DHRS9: variants seen among roughly 807,000 people sequenced by gnomAD.
The protein encoded by DHRS9 is dehydrogenase/reductase SDR family member 9.
In DHRS9, 18 loss-of-function variants were observed where a neutral mutation model predicts 26.6. The observed-to-expected ratio is 0.68, with a 90% CI of 0.47 to 1.00. The LOEUF (loss-of-function observed/expected upper bound fraction) is 1.00. DHRS9 is among the 50% of genes least tolerant of loss of function. The pLI is 0.00. For synonymous variants in DHRS9, 134 were observed against 141.1 expected (o/e 0.95, Z 0.36); for missense variants, 425 against 378.7 (o/e 1.12, Z -1.01).
At position 169,083,469 on chromosome 2, in the gene DHRS9, G is replaced by A. The variant is rs1404517204; in HGVS notation, c.454G>A (p.Val152Ile). The stretch of plus-strand genomic sequence containing the variant: ...TGTGACACTAAATATGCTTCCTTTG[G>A]TCAAGAAAGCTCAAGGGAGAGTTAT... ...ISVTLNMLPL[V>I]KKAQGRVINV... Residue 152 changes from valine (V) to isoleucine (I), a missense_variant, in exon 3 of 5, where the codon GTC becomes ATC. Transcript: ENST00000674881. 1.2e-6 allele frequency: 2 copies of A among 1,614,062 alleles called. No homozygotes were observed. Among genetic ancestry groups the A allele is most frequent in the South Asian group, 2.2e-5 (2 of 91,074 alleles).
In DHRS9 at chr2:169,083,538, G is replaced by T; in HGVS notation, c.523G>T (p.Gly175Cys). Residue 175 changes from glycine (G) to cysteine (C), a missense_variant, in exon 3 of 5, where the codon GGC becomes TGC. By Grantham distance (159) the Gly-to-Cys change is radical (BLOSUM62 -3). Transcript: ENST00000674881. ...VGGRLAIVGG[G>C]YTPSKYAVEG... Reference sequence around the variant, plus strand: ...AGGTCGCCTTGCAATCGTTGGAGGGGGCTATACTCCATCCAAATATGCAGT... The same window carrying T: ...AGGTCGCCTTGCAATCGTTGGAGGGTGCTATACTCCATCCAAATATGCAGT... 1.2e-6 allele frequency: 2 copies of T among 1,613,810 alleles called. No homozygotes were observed. Among genetic ancestry groups the T allele is most frequent in the Non-Finnish European group, 1.7e-6 (2 of 1,179,908 alleles).
chr2:169,090,002 C>T (rs535137765), intron 3 of DHRS9, among the ~76,000 whole-genome samples: 2 of 152,308 alleles, frequency 1.3e-5, no homozygotes, highest in South Asian at 4.1e-4. Flanking sequence ...TAGAGATTTA[C>T]TCACTTTTAA....
At chr2:169,079,746 A>G (rs946993369) in intron 1 of DHRS9, among the ~76,000 whole-genome samples, 3 of 151,466 alleles carry the variant, frequency 2.0e-5, no homozygotes, top group Admixed American at 6.6e-5. Context: ...TTGTAATCCC[A>G]GCTACTCAGG....
intron 3 of DHRS9, among the ~76,000 whole-genome samples, chr2:169,087,827 G>C (rs1684400357): frequency 1.3e-5 from 2 of 152,104 alleles, no homozygotes; most frequent in African/African-American, 4.8e-5. Flanking sequence ...ACTCTACCTG[G>C]TGCCCTATCC....
chr2:169,090,299 C>T (rs1404011898), intron 3 of DHRS9, among the ~76,000 whole-genome samples: 2 of 152,110 alleles, frequency 1.3e-5, no homozygotes, highest in Non-Finnish European at 2.9e-5. Flanking sequence ...AGTTGGAGGG[C>T]GTAAGGCCAC....
chr2:169,077,383 T>G (rs954993882), intron 1 of DHRS9, among the ~76,000 whole-genome samples: 3 of 152,198 alleles, frequency 2.0e-5, no homozygotes, highest in African/African-American at 7.2e-5. Context: ...ATCCAAATAT[T>G]TATAAGTTTA....
At chr2:169,090,366 C>T (rs769908627) in intron 3 of DHRS9, among the ~76,000 whole-genome samples, 4 of 152,196 alleles carry the variant, frequency 2.6e-5, no homozygotes, top group Non-Finnish European at 5.9e-5. Context: ...TCCTAAATAG[C>T]CTCTTGGCAC....
intron 1 of DHRS9, among the ~76,000 whole-genome samples, chr2:169,079,974 AGAGAG>A (rs1684117254): frequency 2.6e-5 from 3 of 117,016 alleles, no homozygotes; most frequent in Non-Finnish European, 3.6e-5. Context: ...AGAGAGAGAG[AGAGAG>A]AGAGAGAAAG....
At chr2:169,090,212 G>A (rs1055892533) in intron 3 of DHRS9, among the ~76,000 whole-genome samples, 2 of 152,200 alleles carry the variant, frequency 1.3e-5, no homozygotes, top group Non-Finnish European at 2.9e-5. Flanking sequence ...ATTTGAGAGA[G>A]GGTTGGGGCT....
Position 169,095,889 on chromosome 2 carries a change from G to A in DHRS9, c.*122G>A. 1 of 905,648 alleles carries A rather than the reference G, an allele frequency of 1.1e-6. No homozygotes were observed. The highest frequency in any genetic ancestry group is 1.7e-6 in the Non-Finnish European group (1 of 589,864). 56.1% of individuals were successfully genotyped at this position (905,648 alleles called of 1,614,324 possible). On this transcript the variant is annotated 3_prime_UTR_variant, in exon 5 of 5. Transcript: ENST00000674881. ...GACTCATTTAGATCGTGCTTATTTG[G>A]ATTGCAAAAGGGAGTCCCACCATCG...
chr2:169,078,422 C>T (rs946113944), intron 1 of DHRS9, among the ~76,000 whole-genome samples: 2 of 152,172 alleles, frequency 1.3e-5, no homozygotes, highest in African/African-American at 4.8e-5. Flanking sequence ...GCTGCAGAAT[C>T]CATTCAGAAA....
chr2:169,094,545 GT>G (rs577110862), intron 4 of DHRS9, among the ~76,000 whole-genome samples: 2,328 of 137,264 alleles, frequency 0.017, 44 homozygotes, highest in African/African-American at 0.05. Flanking sequence ...TCTTCTAGTA[GT>G]TTTTTTTTTT....
intron 1 of DHRS9, chr2:169,070,658 A>G (rs1010048993): frequency 6.1e-6 from 6 of 984,006 alleles, no homozygotes; most frequent in East Asian, 1.1e-4. Flanking sequence ...ACAAATTTCA[A>G]TGTTTAAGTA....
intron 1 of DHRS9, chr2:169,070,644 TA>T (rs1468116192): frequency 4.1e-6 from 4 of 984,324 alleles, no homozygotes; most frequent in Non-Finnish European, 4.8e-6. Flanking sequence ...GCTCAGATTT[TA>T]GAACAAATTT....
intron 1 of DHRS9, among the ~76,000 whole-genome samples, chr2:169,075,533 A>G (rs1683938116): frequency 6.6e-6 from 1 of 152,154 alleles, no homozygotes; most frequent in African/African-American, 2.4e-5. Context: ...TTAATGCAAT[A>G]CTATTTATCA....
chr2:169,069,553 C>A (rs1161809709), upstream of DHRS9: 5 of 985,396 alleles, frequency 5.1e-6, no homozygotes, highest in African/African-American at 7.0e-5. Context: ...GGATTCCTCA[C>A]ACATGTAGTA....
At chr2:169,095,206 G>C (rs1366129728) in intron 4 of DHRS9, among the ~76,000 whole-genome samples, 1 of 152,056 alleles carries the variant, frequency 6.6e-6, no homozygotes, top group Non-Finnish European at 1.5e-5. Context: ...CCCTGGACCA[G>C]CAGCATCAGC....
chr2:169,089,737 T>C (rs1249035278), intron 3 of DHRS9, among the ~76,000 whole-genome samples: 2 of 152,314 alleles, frequency 1.3e-5, no homozygotes, highest in South Asian at 2.1e-4. Flanking sequence ...CACAAAAATA[T>C]TGGAACAATT....
intron 2 of DHRS9, among the ~76,000 whole-genome samples, chr2:169,082,867 A>G (rs1056837642): frequency 2.7e-5 from 3 of 109,298 alleles, no homozygotes; most frequent in African/African-American, 7.2e-5. Context: ...AACATCACAC[A>G]TCGGGGCCTG....
Sources: allele counts gnomAD v4.1 joint callset (sites outside exome capture counted in the v4.1 genomes callset), GRCh38; gene constraint gnomAD v4.1.1; transcripts MANE v1.5; gene names NCBI Gene and HGNC (gene_info 2026-07-23, HGNC 2026-07-21).